Variants in HRNR observed in about 807,000 individuals in gnomAD.
HRNR encodes the protein filaggrin family member 3.
Under a neutral mutation model 4.8 loss-of-function variants are expected in HRNR, and 7 were observed. The ratio of observed to expected loss-of-function variants is 1.47; its 90% CI spans 0.83 to 2.75. The LOEUF (loss-of-function observed/expected upper bound fraction) is 2.75. Ranked by LOEUF, HRNR falls within the 30% of genes most tolerant of loss-of-function variation. HRNR has a pLI of 0.00. For missense variants in HRNR, 2,879 were observed against 3,010.4 expected, an observed-to-expected ratio of 0.96 and a Z score of 1.02; for synonymous variants, 1,023 against 1,242.7, an observed-to-expected ratio of 0.82 and a Z score of 3.72.
At position 152,220,961 on chromosome 1, in the gene HRNR, G is replaced by T. The variant is rs1345495501; in HGVS notation, c.668C>A (p.Ser223Tyr). 1 of 1,614,226 alleles carries T rather than the reference G, an allele frequency of 6.2e-7. No homozygotes were observed. Among genetic ancestry groups the T allele is most frequent in the Non-Finnish European group, 8.5e-7 (1 of 1,180,034 alleles). ...GQSSSNDTHG[S>Y]GSGQSSGFSQ... is the part of the protein sequence containing the mutation. ...AAAGCCAGAAGACTGGCCTGAGCCA[G>T]ACCCATGTGTGTCATTGCTGGAAGA... Residue 223 changes from serine (S) to tyrosine (Y), a missense_variant, in exon 3 of 3, where the codon TCT (serine) becomes TAT (tyrosine). Physicochemically the swap from Ser to Tyr is moderately radical, Grantham distance 144. Transcript: ENST00000368801.
Position 152,220,866 on chromosome 1 carries a change from A to G in HRNR, c.763T>C (p.Ser255Pro), listed in dbSNP as rs1005863218. ...SQHGSGSGHS[S>P]GYGQHGSRSG... The stretch of plus-strand genomic sequence containing the variant: ...CTAGAGCCGTGTTGTCCGTAGCCAG[A>G]GGAGTGACCTGAGCCAGATCCATGC... Residue 255 changes from serine to proline, a missense_variant, in exon 3 of 3, where the codon TCT becomes CCT. Ser to Pro is a moderately conservative substitution (Grantham distance 74). Coordinates refer to ENST00000368801, the MANE Select transcript of HRNR (RefSeq NM_001009931.3). 7.4e-6 allele frequency: 12 copies of G among 1,614,006 alleles called. No homozygotes were observed. Among genetic ancestry groups the G allele is most frequent in the African/African-American group, 1.3e-5 (1 of 74,894 alleles).
At position 152,218,961 on chromosome 1, in the gene HRNR, A is replaced by G. The variant is rs41266132; in HGVS notation, c.2668T>C (p.Ser890Pro). 3,947 of 1,613,790 alleles carry G rather than the reference A, an allele frequency of 2.4e-3. 66 individuals carry two copies. Among genetic ancestry groups the G allele is most frequent in the East Asian group, 8.6e-3 (388 of 44,880 alleles). The change falls in exon 3 of 3, where the codon TCT (serine) becomes CCT (proline). Residue 890 changes from serine to proline, a missense_variant. Transcript: ENST00000368801. ...RGRHGSGSGQSPGHGQRGSGS... is the reference protein window; with the variant it reads ...RGRHGSGSGQPPGHGQRGSGS... ...GACCCACGCTGGCCGTGGCCTGGAG[A>G]CTGGCCAGATCCAGAGCCATGTCGG... is the stretch of plus-strand genomic sequence containing the variant.
rs1197875548 is a variant in HRNR, at chr1:152,219,151, C to G, written c.2478G>C (p.Gln826His). The G allele has an allele frequency of 6.2e-7, 1 of 1,613,726 alleles. No homozygotes were observed. Among genetic ancestry groups the G allele is most frequent in the Non-Finnish European group, 8.5e-7 (1 of 1,179,978 alleles). The change falls in exon 3 of 3, where the codon CAG (glutamine) becomes CAC (histidine). Residue 826 changes from glutamine (Q) to histidine (H), a missense_variant. This residue lies in a region of HRNR where 2,646 missense variants were observed against 1,377.7 expected (regional missense o/e 1.92). Transcript: ENST00000368801. ...GFGQHESGSG[Q>H]GYSQHGSASG... Reference sequence around the variant, plus strand: ...AGGCAGAACCATGCTGACTATAGCCCTGTCCTGAGCCAGACTCGTGTTGCC... The same window carrying G: ...AGGCAGAACCATGCTGACTATAGCCGTGTCCTGAGCCAGACTCGTGTTGCC...
At position 152,218,366 on chromosome 1, in the gene HRNR, C is replaced by G; in HGVS notation, c.3263G>C (p.Ser1088Thr). The change falls in exon 3 of 3, where the codon AGC becomes ACC. Residue 1088 changes from serine (S) to threonine (T), a missense_variant. Ser to Thr is a moderately conservative substitution (Grantham distance 58). Around this residue, in one of 8 missense-constraint regions of HRNR, gnomAD observed 2,646 missense variants for 1,377.7 expected, o/e 1.92. Transcript: ENST00000368801. ...QHGSTSGQSSSCGQHGASSGQ... is the reference protein window; with the variant it reads ...QHGSTSGQSSTCGQHGASSGQ... The stretch of plus-strand genomic sequence containing the variant: ...TGAGCTAGCTCCATGTTGGCCACAG[C>G]TCGATGACTGTCCTGATGTAGAACC... 12 of 1,611,964 alleles carry G rather than the reference C, an allele frequency of 7.4e-6. No homozygotes were observed. The highest frequency in any genetic ancestry group is 1.0e-5 in the Non-Finnish European group (12 of 1,179,840).
Position 152,219,350 on chromosome 1 carries a change from TG to T in HRNR, c.2278del (p.His760IlefsTer291). ...TTGTCGGCCGTGGCCCGAAGATTGATGGGAGCCCGACCCATGCTGACCATAG... is the reference window on the plus strand; with the variant it reads ...TTGTCGGCCGTGGCCCGAAGATTGATGGAGCCCGACCCATGCTGACCATAG... The part of the protein sequence containing the change: ...SSYGQHGSGS[H>X]QSSGHGRQGS... On this transcript the variant is annotated frameshift_variant, in exon 3 of 3. Transcript: ENST00000368801. LOFTEE classifies it low-confidence loss of function (END_TRUNC). The T allele has an allele frequency of 6.2e-7, 1 of 1,612,010 alleles. No individual in the cohort carries two copies. The highest frequency in any genetic ancestry group is 8.5e-7 in the Non-Finnish European group (1 of 1,179,622).
In HRNR at chr1:152,212,467, T is replaced by A. The variant is rs1187237353; in HGVS notation, c.*609A>T. ...GCTTGGGAAAAGACCCTGATGCTAC[T>A]TTTTTATGCCACTAATTAACTTACT... On this transcript the variant is annotated 3_prime_UTR_variant, in exon 3 of 3. Transcript: ENST00000368801. 6.5e-6 allele frequency: 1 copy of A among 152,898 alleles called. No individual in the cohort carries two copies. Among genetic ancestry groups the A allele is most frequent in the Non-Finnish European group, 1.5e-5 (1 of 68,622 alleles). 9.5% of individuals were successfully genotyped at this position (152,898 alleles called of 1,614,324 possible).
intron 2 of HRNR, among the ~76,000 whole-genome samples, chr1:152,221,802 A>G (rs1412277794): frequency 6.6e-6 from 1 of 152,138 alleles, no homozygotes; most frequent in African/African-American, 2.4e-5. Context: ...ATGTTTTTAT[A>G]CCTACATTAA....
In HRNR at chr1:152,212,717, G is replaced by A. The variant is rs1334856889; in HGVS notation, c.*359C>T. ...TTGTAATATTTTGCTTCTAAGAAAT[G>A]TAAGGTTAGCTTTGGCACCATCTAT... On this transcript the variant is annotated 3_prime_UTR_variant, in exon 3 of 3. Coordinates refer to ENST00000368801, the MANE Select transcript of HRNR (RefSeq NM_001009931.3). 1.1e-5 allele frequency: 3 copies of A among 272,254 alleles called. No homozygotes were observed. Among genetic ancestry groups the A allele is most frequent in the Non-Finnish European group, 2.0e-5 (3 of 146,826 alleles). The allele number at this position is 272,254 out of a possible 1,614,324, so 16.9% of individuals were successfully genotyped here.
chr1:152,221,514 A>T (rs11204938), intron 2 of HRNR, 24 bp from the exon 3 acceptor site: 1 of 1,542,752 alleles, frequency 6.5e-7, no homozygotes, highest in East Asian at 2.2e-5. Context: ...AGGTACAAAG[A>T]GTAGCTCTGT....
At position 152,220,803 on chromosome 1, in the gene HRNR, T is replaced by C; in HGVS notation, c.826A>G (p.Ser276Gly). The C allele has an allele frequency of 6.2e-7, 1 of 1,613,744 alleles. No homozygotes were observed. Among genetic ancestry groups the C allele is most frequent in the Non-Finnish European group, 8.5e-7 (1 of 1,179,928 alleles). ...QSSRGERHRSSSGSSSSYGQH... is the reference protein window; with the variant it reads ...QSSRGERHRSGSGSSSSYGQH... ...CCATAGCTGGAAGACGAACCTGAGC[T>C]AGATCTGTGTCGTTCACCCCTAGAT... The change falls in exon 3 of 3, where the codon AGC (serine) becomes GGC (glycine). Residue 276 changes from serine (S) to glycine (G), a missense_variant. This residue lies in a region of HRNR where 2,646 missense variants were observed against 1,377.7 expected (regional missense o/e 1.92). Coordinates refer to ENST00000368801, the MANE Select transcript of HRNR (RefSeq NM_001009931.3).
Position 152,221,447 on chromosome 1 carries a change from A to G in HRNR, c.182T>C (p.Leu61Pro), listed in dbSNP as rs1344321696. 6.2e-7 allele frequency: 1 copy of G among 1,611,498 alleles called. No individual in the cohort carries two copies. The highest frequency in any genetic ancestry group is 1.3e-5 in the African/African-American group (1 of 74,896). ...CACTTTCTTGTTATGGTCTCGATCCAGACTTTGCAAGATGATATCCACAGT... is the reference window on the plus strand; with the variant it reads ...CACTTTCTTGTTATGGTCTCGATCCGGACTTTGCAAGATGATATCCACAGT... ...PDTVDIILQS[L>P]DRDHNKKVDF... Residue 61 changes from leucine to proline, a missense_variant, in exon 3 of 3, where the codon CTG becomes CCG. By Grantham distance (98) the Leu-to-Pro change is moderately conservative. Coordinates refer to ENST00000368801, the MANE Select transcript of HRNR (RefSeq NM_001009931.3).
chr1:152,218,618 C>G lies in HRNR; in HGVS notation c.3011G>C (p.Gly1004Ala). Reference sequence around the variant, plus strand: ...GCCACGGCTAGGGCTAGGAGACTGGCCAGATCCAGACCCATGTTGGCCGTG... The same window carrying G: ...GCCACGGCTAGGGCTAGGAGACTGGGCAGATCCAGACCCATGTTGGCCGTG... ...LGHGQHGSGSGQSPSPSRGRH... is the reference protein window; with the variant it reads ...LGHGQHGSGSAQSPSPSRGRH... Residue 1004 changes from glycine to alanine, a missense_variant, in exon 3 of 3, where the codon GGC becomes GCC. Coordinates refer to ENST00000368801, the MANE Select transcript of HRNR (RefSeq NM_001009931.3). 2 of 1,613,752 alleles carry G rather than the reference C, an allele frequency of 1.2e-6. No homozygotes were observed. Among genetic ancestry groups the G allele is most frequent in the South Asian group, 1.1e-5 (1 of 91,038 alleles).
Position 152,220,857 on chromosome 1 carries a change from C to T in HRNR, c.772G>A (p.Gly258Arg), listed in dbSNP as rs146460856. 84 of 1,613,708 alleles carry T rather than the reference C, an allele frequency of 5.2e-5. No homozygotes were observed. The highest frequency in any genetic ancestry group is 4.8e-4 in the African/African-American group (36 of 74,894). The change falls in exon 3 of 3, where the codon GGA (glycine) becomes AGA (arginine). Residue 258 changes from glycine to arginine, a missense_variant. Physicochemically the swap from Gly to Arg is moderately radical, Grantham distance 125. Around this residue, in one of 8 missense-constraint regions of HRNR, gnomAD observed 2,646 missense variants for 1,377.7 expected, o/e 1.92. Coordinates refer to ENST00000368801, the MANE Select transcript of HRNR (RefSeq NM_001009931.3). ...GSGSGHSSGY[G>R]QHGSRSGQSS... ...TGTCCTGACCTAGAGCCGTGTTGTC[C>T]GTAGCCAGAGGAGTGACCTGAGCCA...
rs1336929689 is a variant in HRNR at position 152,221,079 on chromosome 1, A to T, written c.550T>A (p.Ser184Thr). 6.2e-6 allele frequency: 10 copies of T among 1,613,346 alleles called. No individual in the cohort carries two copies. The highest frequency in any genetic ancestry group is 1.1e-5 in the South Asian group (1 of 90,970). The change falls in exon 3 of 3, where the codon TCC (serine) becomes ACC (threonine). Residue 184 changes from serine (S) to threonine (T), a missense_variant. This residue lies in a region of HRNR where 2,646 missense variants were observed against 1,377.7 expected (regional missense o/e 1.92). Coordinates refer to ENST00000368801, the MANE Select transcript of HRNR (RefSeq NM_001009931.3). ...CGGCCTGAAGACTGATGGGAGTCGGAGTTTTGCTCACCATAGCTGGAAGAC... is the reference window on the plus strand; with the variant it reads ...CGGCCTGAAGACTGATGGGAGTCGGTGTTTTGCTCACCATAGCTGGAAGAC... ...GQSSSYGEQN[S>T]DSHQSSGRGQ...
At position 152,222,568 on chromosome 1, in the gene HRNR, T is replaced by G. The variant is rs1649034009; in HGVS notation, c.138+548A>C. On this transcript the variant is annotated intron_variant, in intron 2 of 2. Transcript: ENST00000368801. ...AAAAAATGACACCAGGTTTTTGCTT[T>G]GGGCAAAAAGATGAAGGAAAAAGGT... 2.0e-5 allele frequency among the ~76,000 whole-genome samples: 3 copies of G among 152,116 alleles called. No homozygotes were observed. The South Asian group carries it at 6.2e-4, about 32-fold the overall frequency.
At position 152,220,630 on chromosome 1, in the gene HRNR, G is replaced by A; in HGVS notation, c.999C>T (p.Tyr333=). 6.2e-7 allele frequency: 1 copy of A among 1,612,516 alleles called. No individual in the cohort carries two copies. The highest frequency in any genetic ancestry group is 8.5e-7 in the Non-Finnish European group (1 of 1,179,010). Residue 333 remains tyrosine (Y), a synonymous_variant, in exon 3 of 3, where the codon TAC becomes TAT. Coordinates refer to ENST00000368801, the MANE Select transcript of HRNR (RefSeq NM_001009931.3). Reference sequence around the variant, plus strand: ...AGCCAGACTCATAATGGCCACGGCTGTAAGAGTAACTTGAGCCAGACCCGT... The same window carrying A: ...AGCCAGACTCATAATGGCCACGGCTATAAGAGTAACTTGAGCCAGACCCGT... ...GQHGSGSSYS[Y]SRGHYESGSG...
At position 152,219,184 on chromosome 1, in the gene HRNR, A is replaced by G. The variant is rs1280677465; in HGVS notation, c.2445T>C (p.Ser815=). ...GHYESGSGQA[S]GFGQHESGSG... is the part of the protein sequence containing the mutation. ...AGCCAGACTCGTGTTGCCCAAAACC[A>G]GAAGCCTGGCCTGAGCCAGACTCAT... Residue 815 remains serine, a synonymous_variant, in exon 3 of 3, where the codon TCT becomes TCC. Coordinates refer to ENST00000368801, the MANE Select transcript of HRNR (RefSeq NM_001009931.3). The G allele has an allele frequency of 3.7e-6, 6 of 1,613,994 alleles. No homozygotes were observed. The highest frequency in any genetic ancestry group is 5.1e-6 in the Non-Finnish European group (6 of 1,180,022).
At position 152,221,480 on chromosome 1, in the gene HRNR, T is replaced by C. The variant is rs765884737; in HGVS notation, c.149A>G (p.Asp50Gly). The change falls in exon 3 of 3, where the codon GAT (aspartate) becomes GGT (glycine). Residue 50 changes from aspartate to glycine, a missense_variant. Transcript: ENST00000368801. ...CAAGATGATATCCACAGTATCTGGA[T>C]CGTTTGGATTCTGTATAAGAGAAAG... ...EFHQILKNPN[D>G]PDTVDIILQS... The C allele has an allele frequency of 8.8e-6, 14 of 1,596,964 alleles. No homozygotes were observed. Among genetic ancestry groups the C allele is most frequent in the Non-Finnish European group, 1.2e-5 (14 of 1,170,736 alleles).
rs1353197542 is a variant in HRNR at position 152,212,780 on chromosome 1, A to G, written c.*296T>C. 20 of 433,652 alleles carry G rather than the reference A, an allele frequency of 4.6e-5. No individual in the cohort carries two copies. The highest frequency in any genetic ancestry group is 8.1e-5 in the Non-Finnish European group (20 of 245,644). The allele number at this position is 433,652 out of a possible 1,614,324, so 26.9% of individuals were successfully genotyped here. On this transcript the variant is annotated 3_prime_UTR_variant, in exon 3 of 3. Coordinates refer to ENST00000368801, the MANE Select transcript of HRNR (RefSeq NM_001009931.3). ...AGCTCTCAAAAAGACAACTCCAACTAAACCCAAAGCTCTTTAAAAGCTTTT... is the reference window on the plus strand; with the variant it reads ...AGCTCTCAAAAAGACAACTCCAACTGAACCCAAAGCTCTTTAAAAGCTTTT...
Sources: allele counts gnomAD v4.1 joint callset (sites outside exome capture counted in the v4.1 genomes callset), GRCh38; gene constraint gnomAD v4.1.1; regional missense constraint gnomAD v4.1.1; transcripts MANE v1.5; gene names NCBI Gene and HGNC (gene_info 2026-07-23, HGNC 2026-07-21).